WAC: variants seen among roughly 807,000 people sequenced by gnomAD.
WAC encodes the protein WW domain containing adaptor with coiled-coil, also known as WW domain-containing adapter protein with coiled-coil.
Under a neutral mutation model 79.6 loss-of-function variants are expected in WAC, and 11 were observed. The observed-to-expected ratio is 0.14, with a 90% CI of 0.09 to 0.23. The LOEUF (loss-of-function observed/expected upper bound fraction) is 0.23. WAC is among the 10% of genes least tolerant of loss of function. The pLI, the probability that WAC is intolerant of heterozygous loss-of-function variation, is 1.00. For synonymous variants in WAC, 304 were observed against 276.9 expected, an observed-to-expected ratio of 1.10 and a Z score of -0.97; for missense variants, 728 against 773.5, an observed-to-expected ratio of 0.94 and a Z score of 0.70.
At chr10:28,593,740 A>T (rs1840217131) in intron 6 of WAC, among the ~76,000 whole-genome samples, 1 of 152,112 alleles carries the variant, frequency 6.6e-6, no homozygotes, top group Admixed American at 6.5e-5. Context: ...CAAAAAAAAA[A>T]AAATAAAATA....
At chr10:28,602,123 T>C (rs1321763701) in intron 7 of WAC, among the ~76,000 whole-genome samples, 1 of 152,202 alleles carries the variant, frequency 6.6e-6, no homozygotes, top group Admixed American at 6.5e-5. Context: ...ACTAGGAGGA[T>C]ATTTTTCACT....
At chr10:28,593,606 A>G (rs1004302641) in intron 6 of WAC, among the ~76,000 whole-genome samples, 2 of 151,956 alleles carry the variant, frequency 1.3e-5, no homozygotes, top group Non-Finnish European at 2.9e-5. Flanking sequence ...CGTCTCTACT[A>G]AAAATACAAA....
intron 3 of WAC, among the ~76,000 whole-genome samples, chr10:28,559,121 C>T (rs1481439672): frequency 2.6e-5 from 3 of 113,680 alleles, no homozygotes; most frequent in Non-Finnish European, 5.3e-5. Context: ...TAAATCTCTG[C>T]TCTCGAGAAA....
intron 7 of WAC, among the ~76,000 whole-genome samples, chr10:28,604,087 T>C (rs1840805291): frequency 6.7e-6 from 1 of 150,012 alleles, no homozygotes; most frequent in South Asian, 2.1e-4. Context: ...GGTTTATTTT[T>C]ATAAGATTAT....
chr10:28,596,048 C>T lies in WAC; in HGVS notation c.919+7C>T. ...CAGAAAACAGAAAGAAAAGGTATGC[C>T]ATTATTACTAGATGCTGCACGTTGA... On this transcript the variant is annotated splice_region_variant and intron_variant, in intron 7 of 13. Transcript: ENST00000354911. The T allele has an allele frequency of 6.2e-7, 1 of 1,611,930 alleles. No homozygotes were observed. Among genetic ancestry groups the T allele is most frequent in the Non-Finnish European group, 8.5e-7 (1 of 1,178,852 alleles).
chr10:28,552,308 G>A (rs1413119910), intron 3 of WAC, among the ~76,000 whole-genome samples: 1 of 152,136 alleles, frequency 6.6e-6, no homozygotes, highest in Non-Finnish European at 1.5e-5. Flanking sequence ...TTCTGCCTAG[G>A]CTCAGAATTT....
At chr10:28,613,990 C>A (rs575278670) in intron 10 of WAC, among the ~76,000 whole-genome samples, 70 of 152,198 alleles carry the variant, frequency 4.6e-4, no homozygotes, top group African/African-American at 1.6e-3. Flanking sequence ...ATCTAAGCAT[C>A]CATATGTGTA....
At chr10:28,563,373 A>G (rs1838404973) in intron 3 of WAC, among the ~76,000 whole-genome samples, 3 of 152,212 alleles carry the variant, frequency 2.0e-5, no homozygotes, top group Non-Finnish European at 4.4e-5. Flanking sequence ...AAAACAAAAG[A>G]GTTAATAGTT....
At chr10:28,559,170 CTGA>C (rs558161784) in intron 3 of WAC, among the ~76,000 whole-genome samples, 954 of 72,406 alleles carry the variant, frequency 0.013, 16 homozygotes, top group African/African-American at 0.064. Flanking sequence ...GTGTGTAAGT[CTGA>C]TGTTCTCTTG....
At chr10:28,570,998 C>A (rs1284702839) in intron 3 of WAC, among the ~76,000 whole-genome samples, 1 of 119,868 alleles carries the variant, frequency 8.3e-6, no homozygotes, top group Non-Finnish European at 1.6e-5. Context: ...ACTCTGTCAC[C>A]CAGGCTGGAG....
chr10:28,613,002 G>T (rs1460965557), intron 10 of WAC, among the ~76,000 whole-genome samples: 21 of 152,122 alleles, frequency 1.4e-4, no homozygotes, highest in Non-Finnish European at 3.1e-4. Context: ...CTTTAAGAAG[G>T]CTGGGCGCGG....
At chr10:28,547,574 G>A (rs1485030053) in intron 3 of WAC, among the ~76,000 whole-genome samples, 1 of 149,998 alleles carries the variant, frequency 6.7e-6, no homozygotes, top group Non-Finnish European at 1.5e-5. Flanking sequence ...TTTGTGAATC[G>A]TAATCTAAGA....
intron 3 of WAC, among the ~76,000 whole-genome samples, chr10:28,553,221 A>G (rs566569845): frequency 1.9e-4 from 28 of 151,126 alleles, no homozygotes; most frequent in Non-Finnish European, 3.7e-4. Context: ...CAAATCTTTT[A>G]TAGTTTTTGC....
chr10:28,563,717 C>G (rs1337002352), intron 3 of WAC, among the ~76,000 whole-genome samples: 1 of 134,754 alleles, frequency 7.4e-6, no homozygotes, highest in East Asian at 2.6e-4. Flanking sequence ...GTAGCTGGGA[C>G]TACAAGTGCA....
chr10:28,566,899 C>A (rs1262354177), intron 3 of WAC, among the ~76,000 whole-genome samples: 2 of 148,134 alleles, frequency 1.4e-5, no homozygotes, highest in Non-Finnish European at 3.0e-5. Flanking sequence ...AGATTCAGAT[C>A]TTCTTTTATT....
chr10:28,537,692 G>C (rs1836756286), intron 3 of WAC: 1 of 152,162 alleles, frequency 6.6e-6, no homozygotes, highest in South Asian at 2.1e-4. Flanking sequence ...TGTGATCCTG[G>C]CCTTGAAGCT....
At chr10:28,586,707 G>A (rs987156044) in intron 4 of WAC, among the ~76,000 whole-genome samples, 1 of 151,640 alleles carries the variant, frequency 6.6e-6, no homozygotes, top group African/African-American at 2.4e-5. Flanking sequence ...ATAATAAAAG[G>A]TAAAATAAAA....
intron 13 of WAC, 162 bp downstream of exon 13, chr10:28,617,946 A>G: frequency 1.2e-6 from 1 of 841,150 alleles, no homozygotes; most frequent in South Asian, 2.4e-5. Flanking sequence ...TTTCTCGTGA[A>G]GGATAAAGCC....
At chr10:28,539,486 CTG>C (rs893702258) in intron 3 of WAC, among the ~76,000 whole-genome samples, 2 of 151,910 alleles carry the variant, frequency 1.3e-5, no homozygotes, top group African/African-American at 4.8e-5. Context: ...TTTATATAGT[CTG>C]TGATCTGTCT....
Sources: allele counts gnomAD v4.1 joint callset (sites outside exome capture counted in the v4.1 genomes callset), GRCh38; gene constraint gnomAD v4.1.1; transcripts MANE v1.5; gene names NCBI Gene and HGNC (gene_info 2026-07-23, HGNC 2026-07-21).